Variants in FANCA observed in about 807,000 individuals in gnomAD.
FANCA encodes the protein Fanconi anemia group A protein.
In FANCA, 236 loss-of-function variants were observed where a neutral mutation model predicts 194.3. The observed-to-expected ratio is 1.21, with a 90% CI of 1.09 to 1.35. The LOEUF (loss-of-function observed/expected upper bound fraction) is 1.35. Among genes scored for constraint, FANCA ranks in the 40% most tolerant of loss-of-function variants. The pLI is 0.00. For synonymous variants in FANCA, 1,014 were observed against 715.8 expected, an observed-to-expected ratio of 1.42 and a Z score of -6.65; for missense variants, 2,628 against 1,813.9, an observed-to-expected ratio of 1.45 and a Z score of -8.15.
Position 89,739,025 on chromosome 16 carries a change from G to A in FANCA, c.4168-51C>T, listed in dbSNP as rs371280585. The stretch of plus-strand genomic sequence containing the variant: ...AGGTTAGAAGACATACAGAAACAGG[G>A]CTGGTGTGTCCCCCATAGTCTGCAT... On this transcript the variant is annotated intron_variant, in intron 41 of 42. Transcript: ENST00000389301. 3.1e-6 allele frequency: 5 copies of A among 1,614,000 alleles called. No individual in the cohort carries two copies. In the African/African-American group the frequency reaches 4.0e-5, roughly 13 times the overall value.
chr16:89,748,520 C>T (rs1160741981), intron 33 of FANCA, 139 bp downstream of exon 33: 3 of 760,380 alleles, frequency 3.9e-6, no homozygotes, highest in East Asian at 2.7e-5. Flanking sequence ...CATGGCATTC[C>T]AGACACTGTT....
At chr16:89,787,208 C>G (rs2039926927) in intron 14 of FANCA, among the ~76,000 whole-genome samples, 1 of 152,090 alleles carries the variant, frequency 6.6e-6, no homozygotes, top group South Asian at 2.1e-4. Flanking sequence ...GCAGGAAGAT[C>G]ACTTCAGCCC....
At chr16:89,760,949 G>C (rs1480587422) in intron 29 of FANCA, among the ~76,000 whole-genome samples, 1 of 152,160 alleles carries the variant, frequency 6.6e-6, no homozygotes, top group African/African-American at 2.4e-5. Flanking sequence ...CCAGGGTAGG[G>C]TGAAGTCTAA....
In FANCA at chr16:89,764,670, C is replaced by T. The variant is rs571039742; in HGVS notation, c.2778+220G>A. On this transcript the variant is annotated intron_variant, in intron 28 of 42. Coordinates refer to ENST00000389301, the MANE Select transcript of FANCA (RefSeq NM_000135.4). Reference sequence around the variant, plus strand: ...ATTTTAGTCAAGATTCCAATCAAACCATCTAAGTGCTGCTGTTCTTGCCTC... The same window carrying T: ...ATTTTAGTCAAGATTCCAATCAAACTATCTAAGTGCTGCTGTTCTTGCCTC... 28 of 637,904 alleles carry T rather than the reference C, an allele frequency of 4.4e-5. No individual in the cohort carries two copies. In the African/African-American group the frequency reaches 5.0e-4, roughly 11 times the overall value. 39.5% of individuals were successfully genotyped at this position (637,904 alleles called of 1,614,324 possible).
chr16:89,774,708 C>T, intron 21 of FANCA, among the ~76,000 whole-genome samples: 1 of 103,762 alleles, frequency 9.6e-6, no homozygotes, highest in African/African-American at 3.8e-5. Flanking sequence ...CCAGCCTGGG[C>T]AACAGAGCGA....
At chr16:89,789,320 GC>G (rs1259427691) in intron 14 of FANCA, among the ~76,000 whole-genome samples, 10 of 151,454 alleles carry the variant, frequency 6.6e-5, no homozygotes, top group African/African-American at 2.4e-4. Flanking sequence ...GGGGGAGCAG[GC>G]ACCGCAGCCA....
At chr16:89,748,458 G>A (rs1353934216) in intron 33 of FANCA, among the ~76,000 whole-genome samples, 1 of 152,244 alleles carries the variant, frequency 6.6e-6, no homozygotes, top group African/African-American at 2.4e-5. Context: ...ACCTACAGCT[G>A]GTTTGGTGAT....
chr16:89,778,277 C>A (rs1962618314), intron 20 of FANCA: 4 of 239,970 alleles, frequency 1.7e-5, no homozygotes, highest in Admixed American at 5.5e-5. Context: ...AACCGCCTGG[C>A]CAATATGGCA....
chr16:89,796,344 G>T (rs998143160), intron 10 of FANCA, among the ~76,000 whole-genome samples: 3 of 152,174 alleles, frequency 2.0e-5, no homozygotes, highest in Non-Finnish European at 4.4e-5. Flanking sequence ...GCACCCGGGA[G>T]TGGAGCCCCG....
intron 7 of FANCA, among the ~76,000 whole-genome samples, chr16:89,803,888 G>C (rs1324954232): frequency 2.6e-5 from 4 of 151,940 alleles, no homozygotes; most frequent in African/African-American, 9.7e-5. Context: ...CAAAGTGCTG[G>C]GATTACTGGC....
Position 89,746,837 on chromosome 16 carries a change from G to A in FANCA, c.3402C>T (p.Phe1134=). 6.4e-7 allele frequency: 1 copy of A among 1,564,804 alleles called. No homozygotes were observed. Among genetic ancestry groups the A allele is most frequent in the Non-Finnish European group, 8.7e-7 (1 of 1,153,512 alleles). ...GGCTGAGGGAGCATCTCACCCTGAA[G>A]AAGTGGGCAGTGATGTCCTGTGTCA... ...GALTQDITAH[F]FRGLLNACLR... is the part of the protein sequence containing the mutation. Residue 1134 remains phenylalanine (F), a synonymous_variant, in exon 34 of 43, where the codon TTC becomes TTT. Transcript: ENST00000389301.
intron 36 of FANCA, 25 bp from the exon 37 acceptor site, chr16:89,742,963 T>A: frequency 6.2e-7 from 1 of 1,612,052 alleles, no homozygotes; most frequent in Non-Finnish European, 8.5e-7. Context: ...ACGGGGTCAT[T>A]GCAGGGCCTT....
chr16:89,742,426 T>C (rs1446392026), intron 37 of FANCA, among the ~76,000 whole-genome samples: 1 of 151,986 alleles, frequency 6.6e-6, no homozygotes, highest in African/African-American at 2.4e-5. Context: ...CACTCCAGCC[T>C]GGGCGACAGT....
intron 11 of FANCA, among the ~76,000 whole-genome samples, chr16:89,794,867 T>C (rs1410234418): frequency 1.3e-5 from 2 of 152,088 alleles, no homozygotes; most frequent in Non-Finnish European, 2.9e-5. Flanking sequence ...CCACCGAGTC[T>C]AGCTGAGAAC....
In FANCA at chr16:89,740,851, A is replaced by G; in HGVS notation, c.3781T>C (p.Phe1261Leu). 1.9e-6 allele frequency: 3 copies of G among 1,613,466 alleles called. No homozygotes were observed. The highest frequency in any genetic ancestry group is 2.5e-6 in the Non-Finnish European group (3 of 1,179,608). Residue 1261 changes from phenylalanine (F) to leucine (L), a missense_variant, in exon 38 of 43, where the codon TTC (phenylalanine) becomes CTC (leucine). Phe to Leu is a conservative substitution (Grantham distance 22). Coordinates refer to ENST00000389301, the MANE Select transcript of FANCA (RefSeq NM_000135.4). ...CEREELLVFL[F>L]FFSLMGLLSS... ...AGCAGGCCCATCAAGGAGAAGAAGA[A>G]AAGGAAAACCAATAGCTGTAAATAA...
chr16:89,805,992 A>C (rs920379362), intron 6 of FANCA, among the ~76,000 whole-genome samples: 2 of 151,792 alleles, frequency 1.3e-5, no homozygotes, highest in Non-Finnish European at 2.9e-5. Flanking sequence ...AGCTCACTAC[A>C]ACCTCCGCCT....
intron 10 of FANCA, among the ~76,000 whole-genome samples, chr16:89,797,605 C>T (rs987214645): frequency 1.3e-5 from 2 of 151,792 alleles, no homozygotes; most frequent in Non-Finnish European, 2.9e-5. Flanking sequence ...AGGCCAGGTG[C>T]GGTGGCTCAC....
At chr16:89,783,444 G>C (rs932566512) in intron 15 of FANCA, among the ~76,000 whole-genome samples, 5 of 151,738 alleles carry the variant, frequency 3.3e-5, no homozygotes, top group African/African-American at 1.2e-4. Context: ...CCAGCTACTC[G>C]GGAGACTGAG....
intron 2 of FANCA, among the ~76,000 whole-genome samples, chr16:89,815,128 C>T (rs2041053646): frequency 6.6e-6 from 1 of 151,880 alleles, no homozygotes; most frequent in Non-Finnish European, 1.5e-5. Flanking sequence ...CCTCCACCTC[C>T]CAGGTTCAAG....
Sources: allele counts gnomAD v4.1 joint callset (sites outside exome capture counted in the v4.1 genomes callset), GRCh38; gene constraint gnomAD v4.1.1; transcripts MANE v1.5; gene names NCBI Gene and HGNC (gene_info 2026-07-23, HGNC 2026-07-21).